LNX1: variants seen among roughly 807,000 people sequenced by gnomAD.
The protein encoded by LNX1 is ligand of numb-protein X 1, also known as E3 ubiquitin-protein ligase LNX.
A neutral mutation model predicts 68.4 loss-of-function variants in LNX1; 54 were observed. That is an observed-to-expected ratio of 0.79 (90% CI 0.63 to 0.99). The LOEUF (loss-of-function observed/expected upper bound fraction) is 0.99. Among genes scored for constraint, LNX1 ranks in the 50% least tolerant of loss-of-function variants. The probability of loss-of-function intolerance (pLI) is 0.00; values close to 1 mark genes in which losing one functional copy is unlikely to be tolerated. For synonymous variants in LNX1, 336 were observed against 350.0 expected, an observed-to-expected ratio of 0.96 and a Z score of 0.45; for missense variants, 906 against 926.4, an observed-to-expected ratio of 0.98 and a Z score of 0.29.
intron 1 of LNX1, among the ~76,000 whole-genome samples, chr4:53,633,509 C>T (rs141809459): frequency 5.9e-5 from 9 of 152,192 alleles, no homozygotes; most frequent in Non-Finnish European, 7.4e-5. Flanking sequence ...ATCCTTGTTC[C>T]GTGGGCTATG....
chr4:53,587,372 A>G (rs750767451), intron 1 of LNX1, among the ~76,000 whole-genome samples: 22 of 152,232 alleles, frequency 1.4e-4, no homozygotes, highest in Non-Finnish European at 3.2e-4. Flanking sequence ...ATTAAATCAT[A>G]TTAACCCAGG....
chr4:53,487,529 T>A (rs1197497258), intron 6 of LNX1, among the ~76,000 whole-genome samples: 1 of 152,186 alleles, frequency 6.6e-6, no homozygotes, highest in Non-Finnish European at 1.5e-5. Flanking sequence ...CTCCCCACAA[T>A]GCCCCAGGGT....
At chr4:53,562,200 C>A (rs953470395) in intron 2 of LNX1, among the ~76,000 whole-genome samples, 2 of 152,206 alleles carry the variant, frequency 1.3e-5, no homozygotes, top group African/African-American at 4.8e-5. Flanking sequence ...TTGGCTTCCA[C>A]ACACCTTCTC....
intron 1 of LNX1, among the ~76,000 whole-genome samples, chr4:53,582,698 T>G (rs960858419): frequency 2.0e-5 from 3 of 152,214 alleles, no homozygotes; most frequent in African/African-American, 7.2e-5. Context: ...AAAATGAGCT[T>G]AAGATTTTTT....
intron 6 of LNX1, among the ~76,000 whole-genome samples, chr4:53,488,757 C>T (rs1724491036): frequency 6.6e-6 from 1 of 152,188 alleles, no homozygotes; most frequent in Non-Finnish European, 1.5e-5. Flanking sequence ...ACCCCTGAGA[C>T]CACATGATGC....
At chr4:53,643,716 C>G (rs1360364779) in intron 1 of LNX1, among the ~76,000 whole-genome samples, 3 of 152,174 alleles carry the variant, frequency 2.0e-5, no homozygotes, top group African/African-American at 4.8e-5. Context: ...GGTCCTGCTG[C>G]CTGGTAACCT....
intron 2 of LNX1, among the ~76,000 whole-genome samples, chr4:53,555,623 A>G (rs1729858578): frequency 6.6e-6 from 1 of 152,224 alleles, no homozygotes; most frequent in Non-Finnish European, 1.5e-5. Flanking sequence ...TCCTTAGAGA[A>G]CATGACAGTA....
At chr4:53,525,292 G>A (rs112903126) in intron 2 of LNX1, among the ~76,000 whole-genome samples, 2,793 of 152,300 alleles carry the variant, frequency 0.018, 88 homozygotes, top group African/African-American at 0.064. Context: ...GACCAGCCTG[G>A]CCAACAAGGT....
At chr4:53,529,018 A>T (rs1727829278) in intron 2 of LNX1, among the ~76,000 whole-genome samples, 1 of 151,716 alleles carries the variant, frequency 6.6e-6, no homozygotes, top group Admixed American at 6.6e-5. Flanking sequence ...TAGTTCCAAG[A>T]TACAGGGGTG....
At chr4:53,521,844 G>T (rs1201960427) in intron 2 of LNX1, among the ~76,000 whole-genome samples, 1 of 152,112 alleles carries the variant, frequency 6.6e-6, no homozygotes, top group Non-Finnish European at 1.5e-5. Flanking sequence ...TCTGACCCCA[G>T]GCTGGAGTGC....
intron 2 of LNX1, among the ~76,000 whole-genome samples, chr4:53,532,130 G>T (rs1162979376): frequency 6.6e-6 from 1 of 152,210 alleles, no homozygotes; most frequent in East Asian, 1.9e-4. Context: ...TTAAGAAAGG[G>T]ATGGACCAAG....
At chr4:53,615,670 G>A (rs565726219) in intron 2 of LNX1, among the ~76,000 whole-genome samples, 2 of 152,264 alleles carry the variant, frequency 1.3e-5, no homozygotes, top group Non-Finnish European at 2.9e-5. Context: ...TTTTGAAGTG[G>A]TTGGTAATAC....
intron 2 of LNX1, among the ~76,000 whole-genome samples, chr4:53,566,695 C>A (rs958525180): frequency 3.9e-5 from 6 of 151,942 alleles, no homozygotes; most frequent in Admixed American, 3.3e-4. Flanking sequence ...CTAAAAGACA[C>A]AGACTGGCAA....
chr4:53,545,801 CATTTT>C (rs1259134136), intron 2 of LNX1, among the ~76,000 whole-genome samples: 3 of 116,800 alleles, frequency 2.6e-5, no homozygotes, highest in East Asian at 2.9e-4. Flanking sequence ...TCAGAGGCCA[CATTTT>C]TTTTTTTTTT....
chr4:53,515,344 T>C (rs1452947328), intron 2 of LNX1, among the ~76,000 whole-genome samples: 4 of 152,220 alleles, frequency 2.6e-5, no homozygotes, highest in Non-Finnish European at 5.9e-5. Context: ...ACCCTTTTGG[T>C]ATTCCGTTGA....
intron 2 of LNX1, among the ~76,000 whole-genome samples, chr4:53,568,673 A>G (rs1260356402): frequency 6.6e-6 from 1 of 150,684 alleles, no homozygotes; most frequent in African/African-American, 2.5e-5. Flanking sequence ...GCAATTAGGC[A>G]GGAGAAGGAA....
chr4:53,559,912 T>C (rs139830703), intron 2 of LNX1, among the ~76,000 whole-genome samples: 55 of 152,252 alleles, frequency 3.6e-4, no homozygotes, highest in African/African-American at 1.3e-3. Flanking sequence ...TATTCCTGCC[T>C]CAACCTTCAA....
chr4:53,577,418 T>C (rs1731562592), intron 1 of LNX1, among the ~76,000 whole-genome samples: 1 of 152,174 alleles, frequency 6.6e-6, no homozygotes, highest in African/African-American at 2.4e-5. Flanking sequence ...CAACTGCATG[T>C]TTCTGGGCCA....
intron 1 of LNX1, among the ~76,000 whole-genome samples, chr4:53,627,247 A>G (rs932772023): frequency 3.3e-5 from 5 of 152,106 alleles, no homozygotes; most frequent in Admixed American, 3.3e-4. Flanking sequence ...GTTTTTGATG[A>G]CCTTGGAGGT....
Sources: allele counts gnomAD v4.1 joint callset (sites outside exome capture counted in the v4.1 genomes callset), GRCh38; gene constraint gnomAD v4.1.1; transcripts MANE v1.5; gene names NCBI Gene and HGNC (gene_info 2026-07-23, HGNC 2026-07-21).